Variants in STK3 observed in about 807,000 individuals in gnomAD.
STK3 encodes the protein serine/threonine-protein kinase 3.
Under a neutral mutation model 58.0 loss-of-function variants are expected in STK3, and 41 were observed. That is an observed-to-expected ratio of 0.71 (90% CI 0.55 to 0.92). The LOEUF is 0.92. Ranked by LOEUF, STK3 falls within the 40% of genes least tolerant of loss-of-function variation. The pLI is 0.00. For missense variants in STK3, 479 were observed against 602.7 expected, an observed-to-expected ratio of 0.79 and a Z score of 2.15; for synonymous variants, 170 against 191.0, an observed-to-expected ratio of 0.89 and a Z score of 0.91.
intron 3 of STK3, among the ~76,000 whole-genome samples, chr8:98,425,931 A>G (rs1169834046): frequency 6.6e-6 from 1 of 152,202 alleles, no homozygotes; most frequent in Non-Finnish European, 1.5e-5. Flanking sequence ...ACGGTGCTCC[A>G]GTCTTTGCAA....
intron 10 of STK3, among the ~76,000 whole-genome samples, chr8:98,524,130 G>C (rs2131468842): frequency 6.6e-6 from 1 of 152,290 alleles, no homozygotes; most frequent in South Asian, 2.1e-4. Flanking sequence ...CCCACTGAAT[G>C]GTCTTGGCAT....
At chr8:98,541,757 T>A (rs1272514696) in intron 9 of STK3, among the ~76,000 whole-genome samples, 2 of 152,170 alleles carry the variant, frequency 1.3e-5, no homozygotes, top group African/African-American at 4.8e-5. Flanking sequence ...TTTCCTAATA[T>A]CCTAAGATAC....
At chr8:98,933,125 T>C (rs1840063329) in intron 1 of STK3, among the ~76,000 whole-genome samples, 2 of 152,216 alleles carry the variant, frequency 1.3e-5, no homozygotes, top group African/African-American at 4.8e-5. Flanking sequence ...CTTTTCTAAC[T>C]CTGCAGGTTA....
intron 7 of STK3, among the ~76,000 whole-genome samples, chr8:98,591,925 TG>T (rs1412630221): frequency 2.6e-5 from 4 of 152,348 alleles, no homozygotes. Flanking sequence ...GTTTCTGTAG[TG>T]TTGGTCTTCT....
intron 10 of STK3, among the ~76,000 whole-genome samples, chr8:98,511,404 C>T (rs1026824267): frequency 1.8e-4 from 27 of 151,726 alleles, no homozygotes. Flanking sequence ...TCTTTTTATT[C>T]TAAAATTCAA....
At chr8:98,719,909 T>C (rs1827277214) in intron 4 of STK3, among the ~76,000 whole-genome samples, 1 of 152,236 alleles carries the variant, frequency 6.6e-6, no homozygotes, top group Non-Finnish European at 1.5e-5. Flanking sequence ...TATGCTTCCC[T>C]TTGGTAACAA....
chr8:98,662,138 A>C (rs1421787870), intron 6 of STK3, among the ~76,000 whole-genome samples: 1 of 152,194 alleles, frequency 6.6e-6, no homozygotes, highest in Non-Finnish European at 1.5e-5. Context: ...CAGGTTGTAC[A>C]TTGAGAGACC....
intron 3 of STK3, among the ~76,000 whole-genome samples, chr8:98,423,469 C>G (rs1818195025): frequency 6.6e-6 from 1 of 152,188 alleles, no homozygotes; most frequent in Non-Finnish European, 1.5e-5. Context: ...CAGAGTGTAT[C>G]ATAGGGGGTC....
chr8:98,920,643 T>A (rs1015810448), intron 1 of STK3, among the ~76,000 whole-genome samples: 2 of 152,230 alleles, frequency 1.3e-5, no homozygotes, highest in Non-Finnish European at 2.9e-5. Context: ...TTCCAGAAGC[T>A]CTAGTTTGTT....
chr8:98,624,074 C>G (rs1007071676), intron 6 of STK3, among the ~76,000 whole-genome samples: 1 of 152,108 alleles, frequency 6.6e-6, no homozygotes, highest in African/African-American at 2.4e-5. Flanking sequence ...CTGACAAAAC[C>G]AAGGAGAGAT....
chr8:98,696,945 C>T (rs1051868092), intron 6 of STK3, among the ~76,000 whole-genome samples: 2 of 152,096 alleles, frequency 1.3e-5, no homozygotes, highest in Non-Finnish European at 2.9e-5. Flanking sequence ...CCAATTCCTC[C>T]TTGTACCTCT....
chr8:98,589,693 C>T (rs942827842), intron 7 of STK3, among the ~76,000 whole-genome samples: 82 of 152,382 alleles, frequency 5.4e-4, no homozygotes, highest in African/African-American at 1.8e-3. Context: ...GCCCCTCCCC[C>T]AGCCTAGCTG....
At chr8:98,667,270 T>C (rs1450270013) in intron 6 of STK3, among the ~76,000 whole-genome samples, 1 of 152,146 alleles carries the variant, frequency 6.6e-6, no homozygotes, top group Non-Finnish European at 1.5e-5. Flanking sequence ...AGTAAAAGGA[T>C]AAAATTTTTA....
At chr8:98,786,499 G>A (rs1451976186) in intron 1 of STK3, among the ~76,000 whole-genome samples, 1 of 152,128 alleles carries the variant, frequency 6.6e-6, no homozygotes, top group African/African-American at 2.4e-5. Context: ...AGTGAGCCAT[G>A]ATCACATCAC....
intron 1 of STK3, among the ~76,000 whole-genome samples, chr8:98,816,005 A>C (rs1834517565): frequency 6.6e-6 from 1 of 152,134 alleles, no homozygotes; most frequent in Admixed American, 6.5e-5. Flanking sequence ...TATATATCAC[A>C]ATGCCTAAGG....
At chr8:98,659,287 A>G (rs1452942195) in intron 6 of STK3, among the ~76,000 whole-genome samples, 4 of 152,160 alleles carry the variant, frequency 2.6e-5, no homozygotes, top group Non-Finnish European at 5.9e-5. Flanking sequence ...GTCAAAAAGA[A>G]ACTCAGTTAT....
chr8:98,420,299 T>C (rs1393889230), intron 3 of STK3, among the ~76,000 whole-genome samples: 1 of 152,188 alleles, frequency 6.6e-6, no homozygotes, highest in Non-Finnish European at 1.5e-5. Flanking sequence ...TCAGATCAAC[T>C]GCCTCAGGGC....
intron 4 of STK3, among the ~76,000 whole-genome samples, chr8:98,729,089 T>A (rs1182354494): frequency 6.6e-6 from 1 of 152,298 alleles, no homozygotes; most frequent in East Asian, 1.9e-4. Context: ...CTCTTTTATT[T>A]ATTTGGTTAT....
At chr8:98,636,829 C>T (rs1178050333) in intron 6 of STK3, among the ~76,000 whole-genome samples, 1 of 151,952 alleles carries the variant, frequency 6.6e-6, no homozygotes, top group Non-Finnish European at 1.5e-5. Context: ...TTCCCCTTAG[C>T]AAATGGAGCT....
Sources: allele counts gnomAD v4.1 joint callset (sites outside exome capture counted in the v4.1 genomes callset), GRCh38; gene constraint gnomAD v4.1.1; transcripts MANE v1.5; gene names NCBI Gene and HGNC (gene_info 2026-07-23, HGNC 2026-07-21).